DAB1: variants seen among roughly 807,000 people sequenced by gnomAD.
DAB1 encodes DAB adaptor protein 1, also known as disabled homolog 1.
Under a neutral mutation model 64.6 loss-of-function variants are expected in DAB1, and 15 were observed. That is an observed-to-expected ratio of 0.23 (90% CI 0.16 to 0.36). The LOEUF (loss-of-function observed/expected upper bound fraction) is 0.36. Among genes scored for constraint, DAB1 ranks in the 10% least tolerant of loss-of-function variants. DAB1 has a pLI of 1.00. For synonymous variants in DAB1, 235 were observed against 251.9 expected, an observed-to-expected ratio of 0.93 and a Z score of 0.64; for missense variants, 596 against 706.7, an observed-to-expected ratio of 0.84 and a Z score of 1.78.
At chr1:57,894,382 T>C (rs1259337357) in intron 5 of DAB1, among the ~76,000 whole-genome samples, 3 of 152,198 alleles carry the variant, frequency 2.0e-5, no homozygotes, top group East Asian at 1.9e-4. Flanking sequence ...ATATGGTATG[T>C]GCTCATTTTA....
chr1:57,119,605 G>A (rs1656453601), intron 4 of DAB1, among the ~76,000 whole-genome samples: 1 of 152,126 alleles, frequency 6.6e-6, no homozygotes, highest in African/African-American at 2.4e-5. Flanking sequence ...ACTCTTGAAT[G>A]GGAACCTCTC....
chr1:58,492,591 C>T lies in DAB1; in HGVS notation n.257+13469G>A, dbSNP rs369908395. On this transcript the variant is annotated intron_variant and non_coding_transcript_variant, in intron 3 of 20. Transcript: ENST00000485760. ...AAAAATGATAAAGGGGATATCACCA[C>T]CGATCCCACAGAAATACAAACTACC... is the stretch of plus-strand genomic sequence containing the variant. Among the ~76,000 whole-genome samples, 197 of 152,202 alleles carry T rather than the reference C, an allele frequency of 1.3e-3. 1 individual carries two copies. In the East Asian group the frequency reaches 0.034, roughly 26 times the overall value.
chr1:58,086,742 T>C (rs965785091), intron 5 of DAB1, among the ~76,000 whole-genome samples: 3 of 151,916 alleles, frequency 2.0e-5, no homozygotes, highest in Non-Finnish European at 1.5e-5. Flanking sequence ...CTCATGCCTC[T>C]GTACTTCTGC....
intron 3 of DAB1, among the ~76,000 whole-genome samples, chr1:57,137,385 T>C (rs1394641319): frequency 1.3e-5 from 2 of 152,332 alleles, no homozygotes; most frequent in East Asian, 3.9e-4. Flanking sequence ...GGACAGTCCG[T>C]GGAGGGCAGG....
intron 4 of DAB1, among the ~76,000 whole-genome samples, chr1:58,308,726 T>A (rs1310453446): frequency 6.6e-6 from 1 of 152,180 alleles, no homozygotes; most frequent in Non-Finnish European, 1.5e-5. Flanking sequence ...GGACCAATGT[T>A]GCTGCCACTT....
At chr1:57,982,830 T>G (rs918536402) in intron 5 of DAB1, among the ~76,000 whole-genome samples, 1 of 152,206 alleles carries the variant, frequency 6.6e-6, no homozygotes, top group Non-Finnish European at 1.5e-5. Flanking sequence ...AGATGATAAT[T>G]AACCTTTCTT....
intron 7 of DAB1, among the ~76,000 whole-genome samples, chr1:57,429,538 G>T (rs12117497): frequency 0.033 from 4,950 of 152,130 alleles, 87 homozygotes; most frequent in South Asian, 0.057. Context: ...CTATGCTTTT[G>T]GTGCCATATC....
chr1:57,284,482 C>A (rs1672155241), intron 2 of DAB1, among the ~76,000 whole-genome samples: 1 of 152,162 alleles, frequency 6.6e-6, no homozygotes, highest in Admixed American at 6.5e-5. Context: ...ATCTCTACAT[C>A]CATTTGGTGG....
At chr1:58,523,143 C>T (rs1044518985) in intron 2 of DAB1, among the ~76,000 whole-genome samples, 4 of 152,318 alleles carry the variant, frequency 2.6e-5, no homozygotes, top group South Asian at 2.1e-4. Flanking sequence ...AAGTCATCCA[C>T]GGTTAATTCC....
At chr1:57,339,205 G>A (rs371746495) in intron 1 of DAB1, among the ~76,000 whole-genome samples, 2 of 151,288 alleles carry the variant, frequency 1.3e-5, no homozygotes, top group East Asian at 2.0e-4. Flanking sequence ...GCCCAGGCTG[G>A]AGGGCAGTGG....
chr1:57,478,534 T>C (rs902784453), intron 7 of DAB1, among the ~76,000 whole-genome samples: 12 of 151,900 alleles, frequency 7.9e-5, no homozygotes, highest in Non-Finnish European at 1.6e-4. Context: ...TTATAATAGA[T>C]GCTCTCTTAA....
intron 7 of DAB1, among the ~76,000 whole-genome samples, chr1:57,535,226 C>T (rs1022674997): frequency 6.6e-6 from 1 of 152,146 alleles, no homozygotes; most frequent in African/African-American, 2.4e-5. Flanking sequence ...GTCTATCTTT[C>T]CTACAACAAT....
chr1:57,573,171 T>C (rs1645212123), intron 7 of DAB1, among the ~76,000 whole-genome samples: 1 of 152,136 alleles, frequency 6.6e-6, no homozygotes. Context: ...CACTGCAGCC[T>C]CCAACTCCTG....
intron 6 of DAB1, among the ~76,000 whole-genome samples, chr1:57,734,313 C>A (rs1267879619): frequency 6.6e-6 from 1 of 152,190 alleles, no homozygotes; most frequent in African/African-American, 2.4e-5. Flanking sequence ...AGCCCCAATT[C>A]ATTATGAGCT....
chr1:58,434,247 T>C (rs1644916723), intron 3 of DAB1, among the ~76,000 whole-genome samples: 1 of 152,130 alleles, frequency 6.6e-6, no homozygotes, highest in Non-Finnish European at 1.5e-5. Flanking sequence ...CATAAGAGGC[T>C]ATTGAAATAA....
chr1:58,259,805 T>G (rs1259648329), intron 4 of DAB1, among the ~76,000 whole-genome samples: 2 of 152,190 alleles, frequency 1.3e-5, no homozygotes, highest in African/African-American at 4.8e-5. Flanking sequence ...AGATACAGCT[T>G]TATCCACAAA....
At chr1:57,692,375 G>A (rs1045783755) in intron 6 of DAB1, among the ~76,000 whole-genome samples, 5 of 152,024 alleles carry the variant, frequency 3.3e-5, no homozygotes, top group African/African-American at 1.2e-4. Context: ...AAGACCAGCA[G>A]AGAGGAAAGA....
chr1:58,428,036 G>A (rs544628947), intron 3 of DAB1, among the ~76,000 whole-genome samples: 1 of 152,202 alleles, frequency 6.6e-6, no homozygotes, highest in African/African-American at 2.4e-5. Flanking sequence ...AAACTGGGAA[G>A]TAAGACAAAA....
At chr1:58,161,064 T>C (rs1452834184) in intron 4 of DAB1, among the ~76,000 whole-genome samples, 1 of 152,086 alleles carries the variant, frequency 6.6e-6, no homozygotes, top group Non-Finnish European at 1.5e-5. Flanking sequence ...AAAGATGTTA[T>C]AACCTAGGCA....
Sources: allele counts gnomAD v4.1 joint callset (sites outside exome capture counted in the v4.1 genomes callset), GRCh38; gene constraint gnomAD v4.1.1; transcripts MANE v1.5; gene names NCBI Gene and HGNC (gene_info 2026-07-23, HGNC 2026-07-21).